Variants in GPR155 observed in about 807,000 individuals in gnomAD.
GPR155 encodes lysosomal cholesterol signaling protein.
In GPR155, 65 loss-of-function variants were observed where a neutral mutation model predicts 93.1. That is an observed-to-expected ratio of 0.70 (90% CI 0.57 to 0.86). The LOEUF (loss-of-function observed/expected upper bound fraction) is 0.86. GPR155 is among the 40% of genes least tolerant of loss of function. The pLI, the probability that GPR155 is intolerant of heterozygous loss-of-function variation, is 0.00. For synonymous variants in GPR155, 319 were observed against 360.1 expected, an observed-to-expected ratio of 0.89 and a Z score of 1.29; for missense variants, 838 against 1,034.8, an observed-to-expected ratio of 0.81 and a Z score of 2.61.
rs775473714 is a variant in GPR155 at position 174,465,947 on chromosome 2, C to A, written c.1267-45G>T. ...AAGACTTTGTAAATAGCTAAGAAAA[C>A]CATATAATTCAATACTGCAACAGAA... On this transcript the variant is annotated intron_variant, in intron 6 of 15. Coordinates refer to ENST00000392552, the MANE Select transcript of GPR155 (RefSeq NM_152529.7). The A allele has an allele frequency of 1.9e-5, 17 of 880,962 alleles. 1 individual carries two copies. Among genetic ancestry groups the A allele is most frequent in the Middle Eastern group, 3.4e-4 (1 of 2,906 alleles). 54.6% of individuals were successfully genotyped at this position (880,962 alleles called of 1,614,324 possible).
chr2:174,466,724 T>C, intron 5 of GPR155, 97 bp from the exon 6 acceptor site: 1 of 669,070 alleles, frequency 1.5e-6, no homozygotes, highest in Non-Finnish European at 2.6e-6. Flanking sequence ...TAACCCTCTT[T>C]GTCCTGGTTC....
chr2:174,480,231 C>T (rs1688281111), intron 2 of GPR155, among the ~76,000 whole-genome samples: 1 of 152,150 alleles, frequency 6.6e-6, no homozygotes, highest in Non-Finnish European at 1.5e-5. Flanking sequence ...CTCCACATTC[C>T]TATCCTTCTA....
chr2:174,436,050 C>G lies in GPR155; in HGVS notation c.*66G>C, dbSNP rs1310861395. 1.4e-6 allele frequency: 2 copies of G among 1,389,170 alleles called. No individual in the cohort carries two copies. Among genetic ancestry groups the G allele is most frequent in the East Asian group, 4.6e-5 (2 of 43,528 alleles). The allele number at this position is 1,389,170 out of a possible 1,614,324, so 86.1% of individuals were successfully genotyped here. On this transcript the variant is annotated 3_prime_UTR_variant, in exon 16 of 16. Coordinates refer to ENST00000392552, the MANE Select transcript of GPR155 (RefSeq NM_152529.7). ...GCCTCTGTTAACTTGCCCAAGGTCA[C>G]CCAGCTAAAAACTAATGAATACGCG...
chr2:174,473,461 T>C (rs1688058347), intron 2 of GPR155, 97 bp from the exon 3 acceptor site: 1 of 831,688 alleles, frequency 1.2e-6, no homozygotes. Context: ...CAATGATAAA[T>C]CTAAAATTTT....
chr2:174,484,705 T>C (rs539399731), intron 1 of GPR155, among the ~76,000 whole-genome samples: 45 of 152,212 alleles, frequency 3.0e-4, no homozygotes, highest in African/African-American at 1.0e-3. Flanking sequence ...CCCAGGCAGG[T>C]GGACTGTGTG....
At chr2:174,440,126 C>T (rs1257838632) in intron 14 of GPR155, 91 bp from the exon 15 acceptor site, 5 of 1,037,050 alleles carry the variant, frequency 4.8e-6, no homozygotes, top group Non-Finnish European at 7.0e-6. Context: ...ATGGCTGTTC[C>T]AAAGCTGTCG....
intron 2 of GPR155, among the ~76,000 whole-genome samples, chr2:174,474,212 A>C (rs1399604128): frequency 6.6e-6 from 1 of 152,236 alleles, no homozygotes; most frequent in East Asian, 1.9e-4. Context: ...ACCTCAAAGC[A>C]GTTTTTAACA....
chr2:174,451,018 A>G (rs553148924), intron 11 of GPR155, among the ~76,000 whole-genome samples: 30 of 152,270 alleles, frequency 2.0e-4, no homozygotes, highest in African/African-American at 6.7e-4. Flanking sequence ...GTTTTAAAAT[A>G]TTGTGTACAA....
chr2:174,465,570 G>A (rs1480240179), intron 7 of GPR155, among the ~76,000 whole-genome samples: 1 of 152,236 alleles, frequency 6.6e-6, no homozygotes, highest in African/African-American at 2.4e-5. Flanking sequence ...AAAGGACCAT[G>A]TGACTGGACA....
rs181895953 is a variant in GPR155, at chr2:174,458,854, G to A, written c.1771+1024C>T. On this transcript the variant is annotated intron_variant, in intron 10 of 15. Coordinates refer to ENST00000392552, the MANE Select transcript of GPR155 (RefSeq NM_152529.7). ...TGTAATCCCAGCACATTGGGAGGCC[G>A]AGGCGGGTGGATCACCTGAGGTCAG... 9.9e-5 allele frequency among the ~76,000 whole-genome samples: 15 copies of A among 152,194 alleles called. No homozygotes were observed. In the East Asian group the frequency reaches 2.5e-3, roughly 26 times the overall value.
At chr2:174,466,906 T>C (rs899224297) in intron 5 of GPR155, among the ~76,000 whole-genome samples, 26 of 152,180 alleles carry the variant, frequency 1.7e-4, no homozygotes, top group Non-Finnish European at 2.8e-4. Context: ...CCTATAATCT[T>C]AGCACTTTGG....
chr2:174,465,649 G>A, intron 7 of GPR155, 136 bp downstream of exon 7: 1 of 531,334 alleles, frequency 1.9e-6, no homozygotes, highest in Non-Finnish European at 3.5e-6. Flanking sequence ...TGGCCTCTGT[G>A]GGTGGGCTGA....
intron 3 of GPR155, among the ~76,000 whole-genome samples, chr2:174,471,036 G>A (rs565221408): frequency 1.9e-4 from 28 of 149,596 alleles, no homozygotes; most frequent in Admixed American, 1.7e-3. Flanking sequence ...AAAAAAAGCT[G>A]AACTTTATCA....
chr2:174,486,340 A>G (rs1202778485), intron 1 of GPR155, among the ~76,000 whole-genome samples: 2 of 152,012 alleles, frequency 1.3e-5, no homozygotes, highest in African/African-American at 2.4e-5. Flanking sequence ...CTGCCAGCCA[A>G]CCCCTGGGAA....
chr2:174,475,037 T>C (rs1688106843), intron 2 of GPR155, among the ~76,000 whole-genome samples: 1 of 151,916 alleles, frequency 6.6e-6, no homozygotes, highest in Non-Finnish European at 1.5e-5. Context: ...GGCTCACGCC[T>C]GTAATCCCAG....
rs3043735 is a variant in GPR155, at chr2:174,441,723, T to TTG, written c.2174+394_2174+395dup. 2.0e-3 allele frequency among the ~76,000 whole-genome samples: 302 copies of TTG among 148,192 alleles called. 1 individual carries two copies. The highest frequency in any genetic ancestry group is 2.8e-3 in the Non-Finnish European group (189 of 66,824). On this transcript the variant is annotated intron_variant, in intron 14 of 15. Coordinates refer to ENST00000392552, the MANE Select transcript of GPR155 (RefSeq NM_152529.7). ...TTGCGATAGAAAAACATCAGTATCT[T>TTG]TGTGTGTGTGTGTGTGTGTGTGTGT...
At chr2:174,445,243 A>G in intron 12 of GPR155, 67 bp from the exon 13 acceptor site, 3 of 773,904 alleles carry the variant, frequency 3.9e-6, no homozygotes, top group Non-Finnish European at 6.8e-6. Flanking sequence ...CATCCACAGC[A>G]TAGTACAATA....
intron 15 of GPR155, 133 bp downstream of exon 15, chr2:174,439,765 A>T (rs1378333902): frequency 2.9e-6 from 2 of 686,976 alleles, no homozygotes; most frequent in Non-Finnish European, 4.9e-6. Context: ...AATTCCTGTA[A>T]CTTTTACATG....
intron 11 of GPR155, among the ~76,000 whole-genome samples, chr2:174,451,909 A>C (rs1399128937): frequency 6.6e-6 from 1 of 152,172 alleles, no homozygotes; most frequent in East Asian, 1.9e-4. Flanking sequence ...TTTGCCTCCC[A>C]AAGTGGTGGG....
Sources: gnomAD v4.1 joint callset for allele counts (sites outside exome capture counted in the v4.1 genomes callset) on GRCh38, gnomAD v4.1.1 for gene constraint, MANE v1.5 for transcripts, NCBI Gene and HGNC (gene_info 2026-07-23, HGNC 2026-07-21) for gene names.